ROR1: variants seen among roughly 807,000 people sequenced by gnomAD.
The protein encoded by ROR1 is inactive tyrosine-protein kinase transmembrane receptor ROR1.
ROR1 carries 19 observed loss-of-function variants against 78.8 expected under a neutral mutation model. The ratio of observed to expected loss-of-function variants is 0.24; its 90% CI spans 0.17 to 0.35. The LOEUF (loss-of-function observed/expected upper bound fraction) is 0.35. Among genes scored for constraint, ROR1 ranks in the 10% least tolerant of loss-of-function variants. The pLI is 1.00. For synonymous variants in ROR1, 386 were observed against 433.6 expected, an observed-to-expected ratio of 0.89 and a Z score of 1.36; for missense variants, 917 against 1,177.8, an observed-to-expected ratio of 0.78 and a Z score of 3.24.
At chr1:64,066,730 C>T (rs2100612113) in intron 4 of ROR1, 1 of 152,534 alleles carries the variant, frequency 6.6e-6, no homozygotes, top group South Asian at 2.1e-4. Flanking sequence ...CACGATGGCA[C>T]TTGGACTAGC....
At chr1:64,074,106 C>G (rs17126099) in intron 4 of ROR1, among the ~76,000 whole-genome samples, 49,770 of 152,116 alleles carry the variant, frequency 0.33, 9,917 homozygotes, top group East Asian at 0.6. Context: ...TTTACAAGAA[C>G]TGCTTGCTTT....
Position 64,177,663 on chromosome 1 carries a change from C to T in ROR1, c.1622C>T (p.Ala541Val). The T allele has an allele frequency of 1.2e-6, 2 of 1,614,188 alleles. No individual in the cohort carries two copies. Among genetic ancestry groups the T allele is most frequent in the Non-Finnish European group, 1.7e-6 (2 of 1,180,038 alleles). Residue 541 changes from alanine to valine, a missense_variant, in exon 9 of 9, where the codon GCC becomes GTC. By Grantham distance (64) the Ala-to-Val change is moderately conservative. Transcript: ENST00000371079. ...CCCAATATTGTCTGCCTTCTAGGTG[C>T]CGTCACTCAGGAACAACCTGTGTGC... is the stretch of plus-strand genomic sequence containing the variant. Reference protein sequence around the residue: ...HHPNIVCLLGAVTQEQPVCML... With the variant: ...HHPNIVCLLGVVTQEQPVCML...
intron 4 of ROR1, among the ~76,000 whole-genome samples, chr1:64,062,311 A>ATTG (rs1024364771): frequency 6.6e-6 from 1 of 151,170 alleles, no homozygotes; most frequent in African/African-American, 2.4e-5. Context: ...TTTTGTTGTT[A>ATTG]TTGTTGTTGT....
At chr1:64,079,494 A>T (rs1380022818) in intron 4 of ROR1, among the ~76,000 whole-genome samples, 1 of 145,156 alleles carries the variant, frequency 6.9e-6, no homozygotes, top group Non-Finnish European at 1.5e-5. Flanking sequence ...TTTTTTGGAG[A>T]CAGAGTCTCG....
intron 2 of ROR1, among the ~76,000 whole-genome samples, chr1:64,025,959 A>G (rs771592848): frequency 6.6e-6 from 1 of 152,226 alleles, no homozygotes; most frequent in African/African-American, 2.4e-5. Context: ...TCAAATCACC[A>G]CTAAAGCACT....
chr1:63,794,846 C>G (rs547815046), intron 1 of ROR1, among the ~76,000 whole-genome samples: 10 of 152,250 alleles, frequency 6.6e-5, no homozygotes, highest in Middle Eastern at 3.4e-3. Flanking sequence ...TACACAGGGT[C>G]CAGAACATTA....
chr1:64,043,272 G>T (rs1646758969), intron 2 of ROR1, among the ~76,000 whole-genome samples: 2 of 152,118 alleles, frequency 1.3e-5, no homozygotes, highest in African/African-American at 4.8e-5. Context: ...TAATAAATGG[G>T]GTGTCTCCAA....
intron 1 of ROR1, among the ~76,000 whole-genome samples, chr1:63,963,112 T>G (rs1646045387): frequency 6.6e-6 from 1 of 152,206 alleles, no homozygotes; most frequent in Non-Finnish European, 1.5e-5. Flanking sequence ...TTTACACCCT[T>G]AATCTCTATA....
At chr1:63,916,181 G>C (rs1214606920) in intron 1 of ROR1, among the ~76,000 whole-genome samples, 2 of 152,232 alleles carry the variant, frequency 1.3e-5, no homozygotes, top group African/African-American at 4.8e-5. Context: ...AGCCCTTGCA[G>C]ATTTTTGTAA....
At position 63,934,842 on chromosome 1, in the gene ROR1, C is replaced by A. The variant is rs72683083; in HGVS notation, c.92-74463C>A. 9.9e-5 allele frequency among the ~76,000 whole-genome samples: 15 copies of A among 152,060 alleles called. 1 individual carries two copies. The South Asian group carries it at 1.2e-3, about 13-fold the overall frequency. ...AATTGGCCTTTCAGACTGAGCCTGC[C>A]ATAGATTTTCTGAGGATTTAGATGA... On this transcript the variant is annotated intron_variant, in intron 1 of 8. Coordinates refer to ENST00000371079, the MANE Select transcript of ROR1 (RefSeq NM_005012.4).
intron 1 of ROR1, among the ~76,000 whole-genome samples, chr1:63,966,620 G>C (rs999785301): frequency 7.2e-5 from 11 of 152,192 alleles, no homozygotes; most frequent in Admixed American, 6.5e-5. Flanking sequence ...CATTCAGGCT[G>C]TTAAGTACAG....
chr1:63,848,699 TA>T (rs1424948617), intron 1 of ROR1, among the ~76,000 whole-genome samples: 3 of 151,972 alleles, frequency 2.0e-5, no homozygotes, highest in Non-Finnish European at 4.4e-5. Flanking sequence ...CACTTGGAAT[TA>T]AAAAAAATCA....
Position 64,051,468 on chromosome 1 carries a change from A to T in ROR1, c.482+752A>T, listed in dbSNP as rs529299264. 8.5e-3 allele frequency among the ~76,000 whole-genome samples: 1,123 copies of T among 132,070 alleles called. 31 individuals are homozygous for T. The highest frequency in any genetic ancestry group is 0.034 in the African/African-American group (1,083 of 31,776). The allele number at this position is 132,070 out of a possible 152,430, so 86.6% of individuals were successfully genotyped here. ...CCGTCTCAAAAATAAAAAATAAAAT[A>T]AAATAAAATAAAATAAAATAAAATA... On this transcript the variant is annotated intron_variant, in intron 4 of 8. Coordinates refer to ENST00000371079, the MANE Select transcript of ROR1 (RefSeq NM_005012.4).
At chr1:63,821,246 C>A (rs1644921716) in intron 1 of ROR1, among the ~76,000 whole-genome samples, 1 of 152,152 alleles carries the variant, frequency 6.6e-6, no homozygotes, top group Non-Finnish European at 1.5e-5. Context: ...GGTTCCTTGA[C>A]CCCAGTTTCA....
At chr1:63,900,450 T>A (rs1645476073) in intron 1 of ROR1, among the ~76,000 whole-genome samples, 1 of 43,762 alleles carries the variant, frequency 2.3e-5, no homozygotes, top group Non-Finnish European at 5.1e-5. Context: ...TGAGACTCCA[T>A]CTCAAAAAAA....
chr1:63,963,001 A>G (rs1278438526), intron 1 of ROR1, among the ~76,000 whole-genome samples: 1 of 152,276 alleles, frequency 6.6e-6, no homozygotes, highest in African/African-American at 2.4e-5. Flanking sequence ...TATGAGAAGT[A>G]TTAGGACTTC....
chr1:64,089,877 G>A (rs1346381393), intron 4 of ROR1, among the ~76,000 whole-genome samples: 2 of 152,052 alleles, frequency 1.3e-5, no homozygotes, highest in African/African-American at 4.8e-5. Context: ...TAATTGAATC[G>A]TCGGGGCAGT....
intron 1 of ROR1, among the ~76,000 whole-genome samples, chr1:63,979,916 T>C (rs1213356872): frequency 6.6e-6 from 1 of 152,040 alleles, no homozygotes. Context: ...AAAACAACAA[T>C]GCACATCTGC....
intron 5 of ROR1, 106 bp downstream of exon 5, chr1:64,137,602 G>T (rs1271096014): frequency 9.0e-7 from 1 of 1,107,832 alleles, no homozygotes; most frequent in Non-Finnish European, 1.3e-6. Context: ...CAGCATGGAG[G>T]TTGGGAGCAG....
Sources: allele counts gnomAD v4.1 joint callset (sites outside exome capture counted in the v4.1 genomes callset), GRCh38; gene constraint gnomAD v4.1.1; transcripts MANE v1.5; gene names NCBI Gene and HGNC (gene_info 2026-07-23, HGNC 2026-07-21).